The following AATF variants were observed in gnomAD, a reference collection of about 807,000 sequenced individuals.
The protein encoded by AATF is protein AATF.
A neutral mutation model predicts 63.7 loss-of-function variants in AATF; 48 were observed. That is an observed-to-expected ratio of 0.75 (90% CI 0.60 to 0.96). AATF has a LOEUF of 0.96. Ranked by LOEUF, AATF falls within the 40% of genes least tolerant of loss-of-function variation. The probability of loss-of-function intolerance (pLI) is 0.00; values close to 1 mark genes in which losing one functional copy is unlikely to be tolerated. For missense variants in AATF, 639 were observed against 685.7 expected (o/e 0.93, Z 0.76); for synonymous variants, 258 against 247.7 (o/e 1.04, Z -0.39).
chr17:37,033,802 A>C (rs750769448), intron 11 of AATF: 1 of 154,722 alleles, frequency 6.5e-6, no homozygotes, highest in African/African-American at 2.4e-5. Context: ...GGCTGTTGCA[A>C]CTTAACGCCA....
intron 8 of AATF, among the ~76,000 whole-genome samples, chr17:37,013,559 C>G (rs1314592535): frequency 6.6e-6 from 1 of 152,130 alleles, no homozygotes; most frequent in Non-Finnish European, 1.5e-5. Flanking sequence ...GCATGCCAGG[C>G]TCTTTTCAAC....
chr17:36,989,351 A>G lies in AATF; in HGVS notation c.1254A>G (p.Arg418=). The G allele has an allele frequency of 6.2e-7, 1 of 1,614,076 alleles. No homozygotes were observed. Among genetic ancestry groups the G allele is most frequent in the East Asian group, 2.2e-5 (1 of 44,886 alleles). Residue 418 remains arginine, a synonymous_variant, in exon 7 of 12, where the codon CGA becomes CGG. Transcript: ENST00000619387. ...RRTQTKRSVY[R]VLGKPEPAAQ... ...CACAGACCAAGCGCTCTGTCTATCG[A>G]GTTCTTGGCAAACCTGAGCCAGCAG...
intron 5 of AATF, among the ~76,000 whole-genome samples, chr17:36,987,697 G>A (rs1172191649): frequency 6.6e-6 from 1 of 152,208 alleles, no homozygotes; most frequent in Non-Finnish European, 1.5e-5. Flanking sequence ...CAGTTGCATA[G>A]ATGGCACTGC....
intron 11 of AATF, among the ~76,000 whole-genome samples, chr17:37,035,594 A>G (rs186305869): frequency 2.4e-4 from 35 of 148,008 alleles, no homozygotes; most frequent in African/African-American, 8.2e-4. Flanking sequence ...GCAAGAGTGC[A>G]GTGGTGCAAT....
intron 8 of AATF, among the ~76,000 whole-genome samples, chr17:36,995,714 G>C (rs1264929348): frequency 2.0e-5 from 3 of 151,534 alleles, no homozygotes; most frequent in Admixed American, 2.0e-4. Context: ...ACTATAGACA[G>C]GTACCATCAC....
chr17:37,056,756 G>A lies in AATF; in HGVS notation c.*92G>A. ...CCAGTGACTTTATGGGGCTGAGCTAGTAGGGAAGCCCCTGGAAAGATGCTG... is the reference window on the plus strand; with the variant it reads ...CCAGTGACTTTATGGGGCTGAGCTAATAGGGAAGCCCCTGGAAAGATGCTG... On this transcript the variant is annotated 3_prime_UTR_variant, in exon 12 of 12. Transcript: ENST00000619387. 7.3e-7 allele frequency: 1 copy of A among 1,366,508 alleles called. No individual in the cohort carries two copies. Among genetic ancestry groups the A allele is most frequent in the African/African-American group, 1.4e-5 (1 of 70,078 alleles). 84.6% of individuals were successfully genotyped at this position (1,366,508 alleles called of 1,614,324 possible).
intron 11 of AATF, among the ~76,000 whole-genome samples, chr17:37,044,572 C>T (rs1344466908): frequency 1.3e-5 from 2 of 152,128 alleles, no homozygotes; most frequent in Admixed American, 6.5e-5. Flanking sequence ...GTTTCTCCTG[C>T]TATATACTAT....
chr17:36,955,482 G>C, intron 4 of AATF, among the ~76,000 whole-genome samples: 1 of 152,146 alleles, frequency 6.6e-6, no homozygotes, highest in Admixed American at 6.5e-5. Flanking sequence ...CTCTCAAATA[G>C]ATGACAGATT....
intron 4 of AATF, chr17:36,980,429 G>A (rs781353356): frequency 2.0e-5 from 3 of 152,168 alleles, no homozygotes; most frequent in African/African-American, 4.8e-5. Flanking sequence ...GACAGTATCC[G>A]TTTGTTTTGT....
At chr17:37,048,153 G>C (rs962019676) in intron 11 of AATF, among the ~76,000 whole-genome samples, 1 of 152,010 alleles carries the variant, frequency 6.6e-6, no homozygotes, top group Non-Finnish European at 1.5e-5. Flanking sequence ...AGAAGCCTGT[G>C]ATCCTCCTTG....
chr17:36,975,195 T>C (rs1186249502), intron 4 of AATF, among the ~76,000 whole-genome samples: 2 of 152,160 alleles, frequency 1.3e-5, no homozygotes, highest in Non-Finnish European at 2.9e-5. Flanking sequence ...TTTCAAAACA[T>C]AAATGAAATT....
At chr17:37,012,394 A>C (rs551801255) in intron 8 of AATF, among the ~76,000 whole-genome samples, 1 of 152,324 alleles carries the variant, frequency 6.6e-6, no homozygotes, top group East Asian at 1.9e-4. Context: ...TGAGAACCAA[A>C]AAAGGAGGTA....
intron 4 of AATF, among the ~76,000 whole-genome samples, chr17:36,979,096 A>G (rs1380603896): frequency 1.3e-5 from 2 of 152,082 alleles, no homozygotes; most frequent in African/African-American, 4.8e-5. Context: ...TTTTTAAAAC[A>G]CTAGCAAGTC....
intron 8 of AATF, among the ~76,000 whole-genome samples, chr17:36,993,904 C>T (rs1231504201): frequency 6.6e-6 from 1 of 152,166 alleles, no homozygotes; most frequent in Non-Finnish European, 1.5e-5. Context: ...CCTCTACACA[C>T]ACATACTCAT....
At chr17:37,025,069 G>A (rs1006399575) in intron 10 of AATF, among the ~76,000 whole-genome samples, 12 of 152,312 alleles carry the variant, frequency 7.9e-5, no homozygotes, top group African/African-American at 2.9e-4. Flanking sequence ...ATACAGGTGA[G>A]TAGTTCTTAC....
At chr17:36,982,233 G>GTTTTT (rs61030839) in intron 4 of AATF, among the ~76,000 whole-genome samples, 18 of 121,718 alleles carry the variant, frequency 1.5e-4, no homozygotes, top group South Asian at 2.8e-4. Context: ...TTTTTGTTTT[G>GTTTTT]TTTTTTTTTT....
intron 8 of AATF, among the ~76,000 whole-genome samples, chr17:36,998,387 A>G (rs1000698462): frequency 2.0e-5 from 3 of 152,212 alleles, no homozygotes; most frequent in Non-Finnish European, 4.4e-5. Context: ...ACTTAGTGAA[A>G]TAGGACATTG....
chr17:37,053,017 A>G (rs2411163), intron 11 of AATF, among the ~76,000 whole-genome samples: 52,462 of 152,072 alleles, frequency 0.34, 13,687 homozygotes, highest in African/African-American at 0.74. Context: ...CAGAAAGAGC[A>G]AAAAGAATCA....
chr17:37,034,386 C>G lies in AATF; in HGVS notation c.1619+2701C>G, dbSNP rs2071574353. 2.0e-5 allele frequency among the ~76,000 whole-genome samples: 3 copies of G among 151,886 alleles called. No individual in the cohort carries two copies. The South Asian group carries it at 6.2e-4, about 31-fold the overall frequency. On this transcript the variant is annotated intron_variant, in intron 11 of 11. Coordinates refer to ENST00000619387, the MANE Select transcript of AATF (RefSeq NM_012138.4). The stretch of plus-strand genomic sequence containing the variant: ...CCTTTGTTTTTTTTTAGTGGAAAAA[C>G]AAAAGTGGAAGTAACCTAGTACCAT...
Sources: allele counts gnomAD v4.1 joint callset (sites outside exome capture counted in the v4.1 genomes callset), GRCh38; gene constraint gnomAD v4.1.1; transcripts MANE v1.5; gene names NCBI Gene and HGNC (gene_info 2026-07-23, HGNC 2026-07-21).